Variants in WSCD2 observed in about 807,000 individuals in gnomAD.
WSCD2 encodes the protein sialate:O-sulfotransferase 2.
A neutral mutation model predicts 55.7 loss-of-function variants in WSCD2; 28 were observed. The observed-to-expected ratio is 0.50, with a 90% CI of 0.37 to 0.69. The LOEUF (loss-of-function observed/expected upper bound fraction) is 0.69. WSCD2 is among the 30% of genes least tolerant of loss of function. The pLI, the probability that WSCD2 is intolerant of heterozygous loss-of-function variation, is 0.00. For synonymous variants in WSCD2, 301 were observed against 301.9 expected (o/e 1.00, Z 0.03); for missense variants, 616 against 762.1 (o/e 0.81, Z 2.26).
chr12:108,155,979 G>GC (rs997211495), intron 1 of WSCD2, among the ~76,000 whole-genome samples: 1 of 152,096 alleles, frequency 6.6e-6, no homozygotes, highest in African/African-American at 2.4e-5. Flanking sequence ...CCCAGGCTGT[G>GC]CCCCCCACAC....
In WSCD2 at chr12:108,224,756, C is replaced by T. The variant is rs201882028; in HGVS notation, c.700C>T (p.Arg234Trp). 9 of 1,612,782 alleles carry T rather than the reference C, an allele frequency of 5.6e-6. No individual in the cohort carries two copies. The highest frequency in any genetic ancestry group is 1.7e-5 in the Admixed American group (1 of 60,000). The change falls in exon 5 of 9, where the codon CGG becomes TGG. Residue 234 changes from arginine to tryptophan, a missense_variant. Arg to Trp is a moderately radical substitution (Grantham distance 101, BLOSUM62 -3). Coordinates refer to ENST00000547525, the MANE Select transcript of WSCD2 (RefSeq NM_014653.4). ...CTCTTCAGATGGAAGTGCAGTGTTC[C>T]GGGGCTGCTTCCGCAGGCCCGACAA... ...SARRYGSAVF[R>W]GCFRRPDNLS...
At position 108,212,257 on chromosome 12, in the gene WSCD2, ATATT is replaced by A. The variant is rs1886288335; in HGVS notation, c.682+1956_682+1959del. On this transcript the variant is annotated intron_variant, in intron 4 of 8. Transcript: ENST00000547525. ...TTTACAACTGATCGCCTTTATGTCAATATTTATGTTATGTTATTTTGATAGCAAC... is the reference window on the plus strand; with the variant it reads ...TTTACAACTGATCGCCTTTATGTCAATATGTTATGTTATTTTGATAGCAAC... Among the ~76,000 whole-genome samples the A allele has an allele frequency of 2.0e-5, 3 of 152,242 alleles. No homozygotes were observed. In the South Asian group the frequency reaches 6.2e-4, roughly 32 times the overall value.
At chr12:108,217,837 G>A (rs1887025443) in intron 4 of WSCD2, among the ~76,000 whole-genome samples, 1 of 152,100 alleles carries the variant, frequency 6.6e-6, no homozygotes, top group Non-Finnish European at 1.5e-5. Flanking sequence ...ACCTTACTTG[G>A]TATTCAGAGC....
chr12:108,158,504 G>A (rs773565563), intron 1 of WSCD2, among the ~76,000 whole-genome samples: 8 of 152,122 alleles, frequency 5.3e-5, no homozygotes, highest in Non-Finnish European at 1.0e-4. Flanking sequence ...CTACTGGGCC[G>A]GGTGGGGAGT....
At chr12:108,230,921 T>C (rs2137188026) in intron 6 of WSCD2, among the ~76,000 whole-genome samples, 1 of 152,230 alleles carries the variant, frequency 6.6e-6, no homozygotes, top group Non-Finnish European at 1.5e-5. Context: ...TGTGGACAAC[T>C]CTGCTGGCAA....
intron 1 of WSCD2, among the ~76,000 whole-genome samples, chr12:108,162,838 T>G (rs150754804): frequency 6.6e-6 from 1 of 152,322 alleles, no homozygotes; most frequent in East Asian, 1.9e-4. Context: ...ACCCTGGACT[T>G]GGTAAATGGC....
At chr12:108,196,849 TA>T (rs1883990717) in intron 2 of WSCD2, 1 of 152,312 alleles carries the variant, frequency 6.6e-6, no homozygotes, top group African/African-American at 2.4e-5. Flanking sequence ...TGCATTACCT[TA>T]TTTGATTTTC....
rs1890101467 is a variant in WSCD2 at position 108,246,598 on chromosome 12, A to G, written c.1346-1393A>G. On this transcript the variant is annotated intron_variant, in intron 8 of 8. Coordinates refer to ENST00000547525, the MANE Select transcript of WSCD2 (RefSeq NM_014653.4). ...AGGAACTGACTGCCTCTCCCCATGG[A>G]ATCCCCAGGTTCTCTATAACCTGTC... Among the ~76,000 whole-genome samples, 2 of 152,198 alleles carry G rather than the reference A, an allele frequency of 1.3e-5. 1 individual carries two copies. Among genetic ancestry groups the G allele is most frequent in the South Asian group, 4.1e-4 (2 of 4,832 alleles).
chr12:108,244,527 G>A (rs747728921), intron 8 of WSCD2: 24 of 702,826 alleles, frequency 3.4e-5, no homozygotes, highest in Admixed American at 6.0e-5. Context: ...CCCAGGAGCC[G>A]TACCAGGATC....
rs1318041758 is a variant in WSCD2 at position 108,210,283 on chromosome 12, G to A, written c.660G>A (p.Leu220=). ...ANRLSVYRLQ[L]AQESARRYGS... ...GCCTCTCTGTCTACCGGCTGCAGCT[G>A]GCCCAGGAGTCGGCCCGCAGGTGTA... The change falls in exon 4 of 9, where the codon CTG becomes CTA. Residue 220 remains leucine (L), a synonymous_variant. Transcript: ENST00000547525. The surrounding 1 kb of genome is among the most constrained non-coding windows in gnomAD (Gnocchi z 4.3). The A allele has an allele frequency of 1.3e-6, 2 of 1,599,482 alleles. No homozygotes were observed. The highest frequency in any genetic ancestry group is 2.3e-5 in the East Asian group (1 of 44,006).
chr12:108,169,096 G>A (rs1879954893), intron 1 of WSCD2, among the ~76,000 whole-genome samples: 1 of 152,296 alleles, frequency 6.6e-6, no homozygotes, highest in South Asian at 2.1e-4. Context: ...AAGACCTCTA[G>A]GTTGCACACG....
chr12:108,208,836 T>A (rs971455854), intron 3 of WSCD2, among the ~76,000 whole-genome samples: 1 of 152,216 alleles, frequency 6.6e-6, no homozygotes, highest in African/African-American at 2.4e-5. Flanking sequence ...CCAGGCATTG[T>A]CCAGGGATAG....
chr12:108,228,569 A>G (rs1215533146), intron 6 of WSCD2, among the ~76,000 whole-genome samples: 2 of 152,266 alleles, frequency 1.3e-5, no homozygotes, highest in Non-Finnish European at 2.9e-5. Flanking sequence ...CCAAGCTGCC[A>G]TATGTGGTAG....
intron 1 of WSCD2, among the ~76,000 whole-genome samples, chr12:108,132,780 G>A (rs1412513503): frequency 3.3e-5 from 5 of 152,200 alleles, no homozygotes; most frequent in Admixed American, 2.0e-4. Context: ...GTGTATGTGG[G>A]CATTTCTCAG....
At chr12:108,243,660 G>T (rs529973454) in intron 8 of WSCD2, among the ~76,000 whole-genome samples, 17 of 152,338 alleles carry the variant, frequency 1.1e-4, no homozygotes, top group African/African-American at 4.1e-4. Flanking sequence ...TCACCTGGGA[G>T]ATTTTTAGGC....
At chr12:108,173,056 A>G (rs1467917126) in intron 1 of WSCD2, among the ~76,000 whole-genome samples, 1 of 151,888 alleles carries the variant, frequency 6.6e-6, no homozygotes, top group Non-Finnish European at 1.5e-5. Flanking sequence ...GGGCCTCCAC[A>G]GACACTGGAT....
In WSCD2 at chr12:108,224,304, C is replaced by T. The variant is rs117328207; in HGVS notation, c.683-435C>T. Among the ~76,000 whole-genome samples the T allele has an allele frequency of 8.6e-3, 1,308 of 152,256 alleles. 12 individuals are homozygous for T. Among genetic ancestry groups the T allele is most frequent in the South Asian group, 0.021 (99 of 4,820 alleles). On this transcript the variant is annotated intron_variant, in intron 4 of 8. Coordinates refer to ENST00000547525, the MANE Select transcript of WSCD2 (RefSeq NM_014653.4). ...GAACCCTGGTAGTAGTGAGTAAGGA[C>T]AGGACAGCCCCAGAATCCTTGCTTC...
At chr12:108,159,958 A>C (rs1878896777) in intron 1 of WSCD2, among the ~76,000 whole-genome samples, 1 of 152,176 alleles carries the variant, frequency 6.6e-6, no homozygotes, top group Non-Finnish European at 1.5e-5. Context: ...GACAAAGGGA[A>C]TTTGCCCAAC....
intron 6 of WSCD2, among the ~76,000 whole-genome samples, chr12:108,229,773 C>A (rs376525825): frequency 2.0e-5 from 3 of 151,596 alleles, no homozygotes; most frequent in African/African-American, 7.3e-5. Context: ...CTTGGCCTCC[C>A]AGGAAATATT....
Sources: gnomAD v4.1 joint callset for allele counts (sites outside exome capture counted in the v4.1 genomes callset) on GRCh38, gnomAD v4.1.1 for gene constraint, Gnocchi (gnomAD v3.1) non-coding constraint, MANE v1.5 for transcripts, NCBI Gene and HGNC (gene_info 2026-07-23, HGNC 2026-07-21) for gene names.